The following MYOF variants were observed in gnomAD, a reference collection of about 807,000 sequenced individuals.
The protein encoded by MYOF is myoferlin.
Under a neutral mutation model 284.2 loss-of-function variants are expected in MYOF, and 244 were observed. The observed-to-expected ratio is 0.86, with a 90% CI of 0.77 to 0.95. The LOEUF (loss-of-function observed/expected upper bound fraction) is 0.95, where lower values mean the gene tolerates loss of function less well. Ranked by LOEUF, MYOF falls within the 40% of genes least tolerant of loss-of-function variation. The pLI is 0.00. For missense variants in MYOF, 2,496 were observed against 2,560.6 expected (o/e 0.97, Z 0.54); for synonymous variants, 904 against 919.7 (o/e 0.98, Z 0.31).
In MYOF at chr10:93,386,812, G is replaced by T. The variant is rs116322509; in HGVS notation, c.1698+985C>A. 6.0e-3 allele frequency among the ~76,000 whole-genome samples: 916 copies of T among 152,290 alleles called. 9 individuals carry two copies. The highest frequency in any genetic ancestry group is 0.021 in the African/African-American group (861 of 41,558). ...TCTCCCTGTCAATCATCCTGCAAAG[G>T]GGGCAGATGTAACAGGCAGACATCA... On this transcript the variant is annotated intron_variant, in intron 19 of 53. Transcript: ENST00000359263.
At chr10:93,457,116 G>T (rs1223216737) in intron 1 of MYOF, among the ~76,000 whole-genome samples, 179 bp from the exon 2 acceptor site, 2 of 152,176 alleles carry the variant, frequency 1.3e-5, no homozygotes, top group East Asian at 1.9e-4. Context: ...GCATTTTTTG[G>T]TCTACAAGGT....
Position 93,310,113 on chromosome 10 carries a change from G to A in MYOF, c.6054C>T (p.Phe2018=), listed in dbSNP as rs747685413. Residue 2018 remains phenylalanine (F), a synonymous_variant, in exon 53 of 54, where the codon TTC becomes TTT. Coordinates refer to ENST00000359263, the MANE Select transcript of MYOF (RefSeq NM_013451.4). Reference sequence around the variant, plus strand: ...CCCACTTAAAGCGGCGCCACACGATGAACTTCATGGTCTTGCATGGGTTGG... The same window carrying A: ...CCCACTTAAAGCGGCGCCACACGATAAACTTCATGGTCTTGCATGGGTTGG... ...WFTNPCKTMK[F]IVWRRFKWVI... 1 of 1,614,170 alleles carries A rather than the reference G, an allele frequency of 6.2e-7. No homozygotes were observed. The highest frequency in any genetic ancestry group is 1.1e-5 in the South Asian group (1 of 91,074).
chr10:93,377,802 T>TA (rs1458390572), intron 21 of MYOF, among the ~76,000 whole-genome samples: 2 of 151,998 alleles, frequency 1.3e-5, no homozygotes, highest in African/African-American at 4.8e-5. Flanking sequence ...AACCAAGGAG[T>TA]AAATATATTG....
intron 24 of MYOF, among the ~76,000 whole-genome samples, chr10:93,371,468 T>C (rs1355989626): frequency 6.6e-6 from 1 of 152,254 alleles, no homozygotes; most frequent in Non-Finnish European, 1.5e-5. Flanking sequence ...TATGTTTCTG[T>C]TCAGCAAGAC....
intron 3 of MYOF, among the ~76,000 whole-genome samples, chr10:93,437,578 T>G (rs558729918): frequency 2.6e-5 from 4 of 152,148 alleles, no homozygotes; most frequent in African/African-American, 9.7e-5. Context: ...CCTCTAGAGA[T>G]CGCAGCACGG....
In MYOF at chr10:93,335,914, TACTC is replaced by T. The variant is rs539221816; in HGVS notation, c.4563+3_4563+6del. The T allele has an allele frequency of 8.3e-5, 134 of 1,613,390 alleles. No homozygotes were observed. The African/African-American group carries it at 1.5e-3, about 18-fold the overall frequency. ...TTTTAAACGGGACCAACACACATCT[TACTC>T]ACCTTAAACTCTCCAACCACAGAAG... On this transcript the variant is annotated splice_donor_5th_base_variant and intron_variant, in intron 41 of 53. Coordinates refer to ENST00000359263, the MANE Select transcript of MYOF (RefSeq NM_013451.4).
At chr10:93,473,253 C>T (rs1362888460) in intron 1 of MYOF, among the ~76,000 whole-genome samples, 1 of 152,220 alleles carries the variant, frequency 6.6e-6, no homozygotes, top group Non-Finnish European at 1.5e-5. Context: ...AGAGTTCATA[C>T]TCTAGGCCCC....
In MYOF at chr10:93,387,870, G is replaced by T. The variant is rs1420244948; in HGVS notation, c.1625C>A (p.Ala542Asp). The stretch of plus-strand genomic sequence containing the variant: ...TGGTGGTGTCTTCTCAAGAAAAGTG[G>T]CTAATTCAACCAAGATCCTGCCTCT... Reference protein sequence around the residue: ...AYRGRILVELATFLEKTPPDK... With the variant: ...AYRGRILVELDTFLEKTPPDK... Residue 542 changes from alanine to aspartate, a missense_variant, in exon 19 of 54, where the codon GCC becomes GAC. Around this residue, in one of 3 missense-constraint regions of MYOF, gnomAD observed 2,436 missense variants for 2,480.7 expected, o/e 0.98. Transcript: ENST00000359263. 13 of 1,613,960 alleles carry T rather than the reference G, an allele frequency of 8.1e-6. No homozygotes were observed. Among genetic ancestry groups the T allele is most frequent in the South Asian group, 1.1e-5 (1 of 91,088 alleles).
rs762444223 is a variant in MYOF at position 93,396,211 on chromosome 10, T to C, written c.1348A>G (p.Lys450Glu). The C allele has an allele frequency of 5.7e-5, 91 of 1,600,070 alleles. 1 individual carries two copies. The East Asian group carries it at 2.0e-3, about 36-fold the overall frequency. ...TATGTTGTTCCAACTACATCATTTT[T>C]AGTAAGACGGTCCCTGTGTAAAAAA... ...LTIYDWDRLT[K>E]NDVVGTTYLH... Residue 450 changes from lysine to glutamate, a missense_variant, in exon 16 of 54, where the codon AAA (lysine) becomes GAA (glutamate). By Grantham distance (56) the Lys-to-Glu change is moderately conservative. Transcript: ENST00000359263.
intron 49 of MYOF, among the ~76,000 whole-genome samples, chr10:93,319,649 G>A (rs1183974055): frequency 3.9e-5 from 6 of 152,042 alleles, no homozygotes; most frequent in African/African-American, 1.4e-4. Context: ...GTGAGTATGT[G>A]AGGGGAAAGA....
chr10:93,377,596 C>T (rs977691914), intron 21 of MYOF, among the ~76,000 whole-genome samples, 167 bp from the exon 22 acceptor site: 1 of 151,756 alleles, frequency 6.6e-6, no homozygotes, highest in Non-Finnish European at 1.5e-5. Context: ...TGGAATATAA[C>T]CAGAAATAAA....
intron 39 of MYOF, 67 bp from the exon 40 acceptor site, chr10:93,337,980 G>A (rs969993255): frequency 2.2e-5 from 25 of 1,157,994 alleles, no homozygotes; most frequent in Admixed American, 5.3e-5. Flanking sequence ...GCAGGAAAAT[G>A]CATTTGTAAT....
Position 93,379,996 on chromosome 10 carries a change from A to C in MYOF, c.1877-9T>G, listed in dbSNP as rs1413482694. 1 of 1,612,312 alleles carries C rather than the reference A, an allele frequency of 6.2e-7. No individual in the cohort carries two copies. Among genetic ancestry groups the C allele is most frequent in the South Asian group, 1.1e-5 (1 of 90,958 alleles). On this transcript the variant is annotated splice_polypyrimidine_tract_variant and intron_variant, in intron 20 of 53. Transcript: ENST00000359263. ...GTAATAATAGTAGTTGCCTGGTATA[A>C]AACATTGGGGGTCAATGAACACTGA...
intron 43 of MYOF, among the ~76,000 whole-genome samples, chr10:93,332,964 A>G (rs1332722183): frequency 1.3e-5 from 2 of 152,194 alleles, no homozygotes; most frequent in Non-Finnish European, 2.9e-5. Flanking sequence ...AAAAACTCCA[A>G]CTGGCCTGTG....
At chr10:93,362,496 C>T (rs2133932749) in intron 27 of MYOF, among the ~76,000 whole-genome samples, 1 of 152,300 alleles carries the variant, frequency 6.6e-6, no homozygotes. Flanking sequence ...CCACCCACCT[C>T]AGCCTCCCGA....
At chr10:93,338,563 T>C (rs1200624031) in intron 39 of MYOF, 1 of 453,614 alleles carries the variant, frequency 2.2e-6, no homozygotes, top group South Asian at 1.6e-5. Flanking sequence ...CTGGAAATCA[T>C]ATGGGATCTT....
intron 3 of MYOF, among the ~76,000 whole-genome samples, chr10:93,450,531 G>A (rs1589589837): frequency 6.6e-6 from 1 of 152,174 alleles, no homozygotes; most frequent in South Asian, 2.1e-4. Context: ...CTGAGATTGC[G>A]CCACTGCACT....
chr10:93,345,348 A>G (rs1844139964), intron 37 of MYOF, among the ~76,000 whole-genome samples: 1 of 152,198 alleles, frequency 6.6e-6, no homozygotes, highest in Non-Finnish European at 1.5e-5. Flanking sequence ...AGGTGAAACA[A>G]TTAGTGGTAA....
chr10:93,364,112 C>A (rs780976542), intron 26 of MYOF, 37 bp from the exon 27 acceptor site: 30 of 1,567,596 alleles, frequency 1.9e-5, no homozygotes. Flanking sequence ...CCCAAGGAGA[C>A]CGGGTAACCG....
Sources: gnomAD v4.1 joint callset for allele counts (sites outside exome capture counted in the v4.1 genomes callset) on GRCh38, gnomAD v4.1.1 for gene constraint, gnomAD v4.1.1 regional missense constraint, MANE v1.5 for transcripts, NCBI Gene and HGNC (gene_info 2026-07-23, HGNC 2026-07-21) for gene names.